The following PUDP variants were observed in gnomAD, a reference collection of about 807,000 sequenced individuals.
PUDP encodes pseudouridine-5'-phosphatase.
PUDP carries 8 observed loss-of-function variants against 9.4 expected under a neutral mutation model. That is an observed-to-expected ratio of 0.85 (90% CI 0.50 to 1.53). PUDP has a LOEUF of 1.53. Among genes scored for constraint, PUDP ranks in the 40% most tolerant of loss-of-function variants. The pLI is 0.00. For synonymous variants in PUDP, 99 were observed against 80.7 expected, an observed-to-expected ratio of 1.23 and a Z score of -1.22; for missense variants, 188 against 189.7, an observed-to-expected ratio of 0.99 and a Z score of 0.05.
chrX:6,805,271 T>G (rs1006217576), intron 3 of PUDP, among the ~76,000 whole-genome samples: 5 of 110,005 alleles, frequency 4.5e-5, no homozygotes, highest in Admixed American at 9.8e-5. Context: ...CCCTGTCTCT[T>G]AAAAAAATAA....
chrX:6,791,223 C>G (rs1023868805), intron 3 of PUDP, among the ~76,000 whole-genome samples: 2 of 105,930 alleles, frequency 1.9e-5, no homozygotes, highest in African/African-American at 3.5e-5. Flanking sequence ...GGCATGATGG[C>G]ACACATTTGT....
intron 3 of PUDP, among the ~76,000 whole-genome samples, chrX:6,941,890 C>A (rs5934522): frequency 0.087 from 9,649 of 111,358 alleles, 422 homozygotes; most frequent in Non-Finnish European, 0.13. Flanking sequence ...AAGAAATAAT[C>A]TTTTTTCAGC....
chrX:6,901,793 T>C (rs950544217), intron 3 of PUDP, among the ~76,000 whole-genome samples: 1 of 112,886 alleles, frequency 8.9e-6, no homozygotes, highest in Non-Finnish European at 1.9e-5. Flanking sequence ...TACTTGATTT[T>C]ATAATTTTTT....
At chrX:6,918,727 T>G (rs1927973781) in intron 3 of PUDP, among the ~76,000 whole-genome samples, 2 of 111,673 alleles carry the variant, frequency 1.8e-5, no homozygotes, top group South Asian at 7.5e-4. Flanking sequence ...AAGTGGGATC[T>G]CTTTGAGATC....
intron 3 of PUDP, among the ~76,000 whole-genome samples, chrX:6,829,042 T>A (rs367853793): frequency 9.1e-6 from 1 of 109,930 alleles, no homozygotes; most frequent in East Asian, 2.9e-4. Flanking sequence ...GGTGATGAGG[T>A]CATGAGGGTG....
chrX:6,924,666 G>A (rs1928074228), intron 3 of PUDP, among the ~76,000 whole-genome samples: 1 of 112,081 alleles, frequency 8.9e-6, no homozygotes, highest in Non-Finnish European at 1.9e-5. Flanking sequence ...CCTCCCAGGA[G>A]GTCAGATGTG....
chrX:7,042,456 A>T (rs1929934540), intron 1 of PUDP, among the ~76,000 whole-genome samples: 1 of 111,872 alleles, frequency 8.9e-6, no homozygotes, highest in African/African-American at 3.2e-5. Flanking sequence ...CACATGAGCT[A>T]ATTAGGGTGA....
At chrX:7,110,825 CA>C (rs1342435726) in intron 1 of PUDP, among the ~76,000 whole-genome samples, 7 of 111,041 alleles carry the variant, frequency 6.3e-5, no homozygotes, top group African/African-American at 2.3e-4. Context: ...GAAGGAGTGT[CA>C]CAAGGTCAAT....
intron 3 of PUDP, among the ~76,000 whole-genome samples, chrX:6,816,382 G>C (rs1302353959): frequency 9.7e-6 from 1 of 102,785 alleles, no homozygotes; most frequent in African/African-American, 3.5e-5. Flanking sequence ...ATATACTATA[G>C]ATAGTATATG....
At chrX:7,014,035 G>C (rs1055368165) in intron 1 of PUDP, among the ~76,000 whole-genome samples, 1 of 110,459 alleles carries the variant, frequency 9.1e-6, no homozygotes, top group African/African-American at 3.3e-5. Context: ...CTGGAAGGGG[G>C]AATGGAGTGA....
chrX:6,730,628 G>A (rs957973988), intron 3 of PUDP, among the ~76,000 whole-genome samples: 3 of 112,043 alleles, frequency 2.7e-5, no homozygotes, highest in African/African-American at 9.7e-5. Flanking sequence ...AAAGAATATC[G>A]CTGCTGGGTG....
chrX:6,929,442 T>C (rs1928156555), intron 3 of PUDP, among the ~76,000 whole-genome samples: 1 of 112,940 alleles, frequency 8.9e-6, no homozygotes, highest in African/African-American at 3.2e-5. Flanking sequence ...AAAGATTTTC[T>C]GGTTAGCAAC....
rs780814044 is a variant in PUDP, at chrX:6,765,638, CATT to C, written c.*248-59175_*248-59173del. Among the ~76,000 whole-genome samples the C allele has an allele frequency of 1.6e-4, 18 of 111,706 alleles. No individual in the cohort carries two copies. The South Asian group carries it at 6.3e-3, about 39-fold the overall frequency. On this transcript the variant is annotated intron_variant and NMD_transcript_variant, in intron 3 of 3. Transcript: ENST00000655425. ...CAATGTTATCAATAAACCTTAAAAA[CATT>C]AGTGAGAAATGACTGAGATGTGATA... is the stretch of plus-strand genomic sequence containing the variant.
intron 3 of PUDP, among the ~76,000 whole-genome samples, chrX:6,971,478 G>A (rs1182918012): frequency 1.9e-5 from 2 of 104,651 alleles, no homozygotes; most frequent in African/African-American, 3.5e-5. Flanking sequence ...GTGCAGTGGC[G>A]CAATCTCGGC....
At chrX:6,711,858 TG>T (rs939403210) in intron 1 of PUDP, among the ~76,000 whole-genome samples, 5 of 112,495 alleles carry the variant, frequency 4.4e-5, no homozygotes, top group Non-Finnish European at 9.4e-5. Context: ...GCTTCTCCAC[TG>T]TGTCCAGCTC....
intron 3 of PUDP, among the ~76,000 whole-genome samples, chrX:6,846,442 T>A (rs1051840575): frequency 9.2e-6 from 1 of 109,072 alleles, no homozygotes; most frequent in Non-Finnish European, 1.9e-5. Context: ...AGTGTCAGTT[T>A]TGGATGTTTT....
At chrX:6,828,685 A>G (rs1926460888) in intron 3 of PUDP, among the ~76,000 whole-genome samples, 1 of 111,418 alleles carries the variant, frequency 9.0e-6, no homozygotes, top group Admixed American at 9.6e-5. Context: ...TGCCCTAAAC[A>G]TCCTCTGTTC....
chrX:6,850,540 G>A (rs939928340), intron 3 of PUDP, among the ~76,000 whole-genome samples: 6 of 112,393 alleles, frequency 5.3e-5, no homozygotes, highest in African/African-American at 1.6e-4. Context: ...TCTCAACTGC[G>A]CAGGCAGCAC....
chrX:7,028,154 G>C (rs1039389533), intron 1 of PUDP, among the ~76,000 whole-genome samples: 1 of 107,678 alleles, frequency 9.3e-6, no homozygotes, highest in Non-Finnish European at 1.9e-5. Flanking sequence ...ATATATAATA[G>C]ATACATAGTC....
Sources: gnomAD v4.1 joint callset for allele counts (sites outside exome capture counted in the v4.1 genomes callset) on GRCh38, gnomAD v4.1.1 for gene constraint, MANE v1.5 for transcripts, NCBI Gene and HGNC (gene_info 2026-07-23, HGNC 2026-07-21) for gene names.